FLCN: variants seen among roughly 807,000 people sequenced by gnomAD.
The protein encoded by FLCN is BHD skin lesion fibrofolliculoma protein.
FLCN carries 22 observed loss-of-function variants against 62.5 expected under a neutral mutation model. That is an observed-to-expected ratio of 0.35 (90% CI 0.25 to 0.50). The LOEUF (loss-of-function observed/expected upper bound fraction) is 0.50. Ranked by LOEUF, FLCN falls within the 20% of genes least tolerant of loss-of-function variation. The pLI is 0.97. For synonymous variants in FLCN, 319 were observed against 310.0 expected (o/e 1.03, Z -0.30); for missense variants, 657 against 778.0 (o/e 0.84, Z 1.85).
intron 1 of FLCN, among the ~76,000 whole-genome samples, chr17:17,234,214 G>GTTTTTTT (rs1436629658): frequency 3.2e-5 from 4 of 125,294 alleles, no homozygotes; most frequent in Non-Finnish European, 5.2e-5. Flanking sequence ...TTTTTTTTTG[G>GTTTTTTT]TTTGTTTTTT....
At chr17:17,222,059 G>C (rs1034840724) in intron 7 of FLCN, among the ~76,000 whole-genome samples, 3 of 150,086 alleles carry the variant, frequency 2.0e-5, no homozygotes, top group Non-Finnish European at 1.5e-5. Context: ...AAAAAAGGCT[G>C]GGCGCGGTGG....
intron 3 of FLCN, among the ~76,000 whole-genome samples, chr17:17,229,883 G>A (rs759659275): frequency 3.3e-5 from 5 of 152,194 alleles, no homozygotes; most frequent in Admixed American, 6.5e-5. Flanking sequence ...CAGTACAGCT[G>A]CGATGCCGGC....
chr17:17,225,924 A>C, intron 5 of FLCN: 1 of 634,516 alleles, frequency 1.6e-6, no homozygotes, highest in Non-Finnish European at 2.9e-6. Flanking sequence ...GAAAGGACAA[A>C]TAATAAAAGT....
intron 8 of FLCN, chr17:17,220,897 T>G: frequency 3.9e-6 from 1 of 256,868 alleles, no homozygotes; most frequent in Non-Finnish European, 7.7e-6. Flanking sequence ...GCTCTGGCTG[T>G]TTGGAAGGCT....
intron 5 of FLCN, chr17:17,225,773 TGGGAGGCTAA>T: frequency 1.9e-5 from 6 of 323,850 alleles, no homozygotes; most frequent in Non-Finnish European, 3.7e-5. Context: ...CCCAGCCACC[TGGGAGGCTAA>T]GGCGGGAGGA....
chr17:17,219,465 A>G lies in FLCN; in HGVS notation c.872-256T>C, dbSNP rs1267224684. Reference sequence around the variant, plus strand: ...CCGTCAGCTGTTCTCTGCTGGTGAGAAAACTCAAATCAGTAAGAAAAATGC... The same window carrying G: ...CCGTCAGCTGTTCTCTGCTGGTGAGGAAACTCAAATCAGTAAGAAAAATGC... On this transcript the variant is annotated intron_variant, in intron 8 of 13. Transcript: ENST00000285071. 34 of 507,996 alleles carry G rather than the reference A, an allele frequency of 6.7e-5. No homozygotes were observed. The South Asian group carries it at 7.1e-4, about 11-fold the overall frequency. The allele number at this position is 507,996 out of a possible 1,614,324, so 31.5% of individuals were successfully genotyped here.
chr17:17,226,289 A>G lies in FLCN; in HGVS notation c.283T>C (p.Tyr95His), dbSNP rs1343904562. The change falls in exon 5 of 14, where the codon TAT becomes CAT. Residue 95 changes from tyrosine (Y) to histidine (H), a missense_variant. Transcript: ENST00000285071. Reference sequence around the variant, plus strand: ...GAGGTCTCTTTATCATGGCTGATATATCCCGGGTGCCCTGCAGCAAGTGAC... The same window carrying G: ...GAGGTCTCTTTATCATGGCTGATATGTCCCGGGTGCCCTGCAGCAAGTGAC... ...CRSLAAGHPG[Y>H]ISHDKETSIK... is the part of the protein sequence containing the mutation. 3 of 1,614,204 alleles carry G rather than the reference A, an allele frequency of 1.9e-6. No individual in the cohort carries two copies. In the Admixed American group the frequency reaches 5.0e-5, roughly 27 times the overall value.
rs1484616540 is a variant in FLCN at position 17,232,828 on chromosome 17, A to AC, written c.-155dup. The AC allele has an allele frequency of 6.6e-6, 1 of 152,466 alleles. No homozygotes were observed. The highest frequency in any genetic ancestry group is 1.5e-5 in the Non-Finnish European group (1 of 68,052). 9.4% of individuals were successfully genotyped at this position (152,466 alleles called of 1,614,324 possible). On this transcript the variant is annotated 5_prime_UTR_variant, in exon 2 of 14. The change abolishes the stop of an existing upstream ORF in the 5' untranslated region. Coordinates refer to ENST00000285071, the MANE Select transcript of FLCN (RefSeq NM_144997.7). ...ATCACGCTTCCACCGTCCACACCAG[A>AC]CCACCACACACGAGGCTGCTGCCAA...
chr17:17,222,389 G>A, intron 7 of FLCN, 112 bp downstream of exon 7: 1 of 1,479,724 alleles, frequency 6.8e-7, no homozygotes, highest in Non-Finnish European at 9.2e-7. Context: ...CCTCACAGAG[G>A]CAGCAAGCAA....
rs1420733193 is a variant in FLCN at position 17,216,333 on chromosome 17, G to C, written c.1300+47C>G. 1 of 1,609,802 alleles carries C rather than the reference G, an allele frequency of 6.2e-7. No homozygotes were observed. On this transcript the variant is annotated intron_variant, in intron 11 of 13. Transcript: ENST00000285071. The surrounding 1 kb of genome is among the most constrained non-coding windows in gnomAD (Gnocchi z 4.0). ...GTTCCACTTTGGGCCTGAGGCGTGG[G>C]GAACCTCAGCGCAGGGCATGGCCCC...
intron 13 of FLCN, among the ~76,000 whole-genome samples, chr17:17,214,521 G>A (rs1415780630): frequency 2.0e-5 from 3 of 152,096 alleles, no homozygotes; most frequent in African/African-American, 7.2e-5. Flanking sequence ...TTGAACCCGG[G>A]AGGCGGAGGT....
Position 17,217,151 on chromosome 17 carries a change from G to A in FLCN, c.1094C>T (p.Ala365Val). ...VLGAPSFRML[A>V]WHVLMGNQVI... ...CTGGTTCCCCATGAGAACGTGCCAG[G>A]CCAGCATGCGGAAAGAAGGGGCACC... Residue 365 changes from alanine (A) to valine (V), a missense_variant, in exon 10 of 14, where the codon GCC becomes GTC. Ala to Val is a moderately conservative substitution (Grantham distance 64). Coordinates refer to ENST00000285071, the MANE Select transcript of FLCN (RefSeq NM_144997.7). 6.2e-7 allele frequency: 1 copy of A among 1,614,046 alleles called. No individual in the cohort carries two copies. The highest frequency in any genetic ancestry group is 8.5e-7 in the Non-Finnish European group (1 of 1,179,976).
chr17:17,228,228 T>G (rs923571018), intron 3 of FLCN, 67 bp from the exon 4 acceptor site: 1 of 1,528,930 alleles, frequency 6.5e-7, no homozygotes, highest in African/African-American at 1.4e-5. Flanking sequence ...CCCCAGCCCC[T>G]CTGGAGCACA....
chr17:17,213,587 T>A lies in FLCN; in HGVS notation c.*68A>T. ...AGCAGTTGAGAAACTCAAGGGACAG[T>A]CCCTCTCACGGGGCTGGAGGATCCT... On this transcript the variant is annotated 3_prime_UTR_variant, in exon 14 of 14. Coordinates refer to ENST00000285071, the MANE Select transcript of FLCN (RefSeq NM_144997.7). The A allele has an allele frequency of 6.3e-7, 1 of 1,593,546 alleles. No homozygotes were observed. The highest frequency in any genetic ancestry group is 1.1e-5 in the South Asian group (1 of 90,456).
At chr17:17,224,256 A>G in intron 5 of FLCN, 113 bp from the exon 6 acceptor site, 1 of 968,350 alleles carries the variant, frequency 1.0e-6, no homozygotes, top group South Asian at 1.4e-5. Flanking sequence ...AGCGTTAATA[A>G]CGGGGAGAGT....
intron 8 of FLCN, chr17:17,219,940 G>A (rs1217829713): frequency 6.6e-6 from 1 of 152,248 alleles, no homozygotes; most frequent in African/African-American, 2.4e-5. Context: ...CCCAGACAGT[G>A]AACCACAGGA....
intron 8 of FLCN, 23 bp downstream of exon 8, chr17:17,221,514 C>G (rs748124848): frequency 9.3e-6 from 15 of 1,613,666 alleles, no homozygotes; most frequent in Non-Finnish European, 1.3e-5. Flanking sequence ...GCCAAGGCCC[C>G]GGCAACAGCA....
At chr17:17,224,492 G>C (rs1363647425) in intron 5 of FLCN, 3 of 435,434 alleles carry the variant, frequency 6.9e-6, no homozygotes, top group African/African-American at 4.0e-5. Flanking sequence ...GGTCAGAGCA[G>C]CCACTGCACT....
rs2144860631 is a variant in FLCN, at chr17:17,216,514, C to T, written c.1177-11G>A. ...CACGGGAAGCATGGTCTGAGGAGGA[C>T]AGCAGGACTCAGACCAAGGACACGA... is the stretch of plus-strand genomic sequence containing the variant. On this transcript the variant is annotated splice_polypyrimidine_tract_variant and intron_variant, in intron 10 of 13. Coordinates refer to ENST00000285071, the MANE Select transcript of FLCN (RefSeq NM_144997.7). This position sits in a 1 kb window ranked among gnomAD's most constrained non-coding sequence, Gnocchi z 4.0. The T allele has an allele frequency of 3.7e-6, 6 of 1,613,596 alleles. No individual in the cohort carries two copies. The highest frequency in any genetic ancestry group is 5.1e-6 in the Non-Finnish European group (6 of 1,179,890).
Sources: allele counts gnomAD v4.1 joint callset (sites outside exome capture counted in the v4.1 genomes callset), GRCh38; gene constraint gnomAD v4.1.1; non-coding constraint Gnocchi (gnomAD v3.1); transcripts MANE v1.5; gene names NCBI Gene and HGNC (gene_info 2026-07-23, HGNC 2026-07-21).